The following PXT1 variants were observed in gnomAD, a reference collection of about 807,000 sequenced individuals.
PXT1 encodes the protein peroxisomal testis-specific protein 1.
PXT1 carries 11 observed loss-of-function variants against 11.0 expected under a neutral mutation model. That is an observed-to-expected ratio of 1.00 (90% CI 0.63 to 1.66). The LOEUF (loss-of-function observed/expected upper bound fraction) is 1.66, where lower values mean the gene tolerates loss of function less well. Ranked by LOEUF, PXT1 falls within the 40% of genes most tolerant of loss-of-function variation. The pLI, the probability that PXT1 is intolerant of heterozygous loss-of-function variation, is 0.00. For missense variants in PXT1, 141 were observed against 155.5 expected (o/e 0.91, Z 0.49); for synonymous variants, 43 against 51.4 (o/e 0.84, Z 0.70).
At chr6:36,398,065 T>C (rs995019703) in intron 4 of PXT1, among the ~76,000 whole-genome samples, 4 of 151,520 alleles carry the variant, frequency 2.6e-5, no homozygotes, top group African/African-American at 9.7e-5. Context: ...CAATTATAAA[T>C]GGACAAGGAT....
rs1422609493 is a variant in PXT1 at position 36,391,726 on chromosome 6, G to A, written c.*44C>T. The stretch of plus-strand genomic sequence containing the variant: ...CAGTGGGATTCATGTTTCTCAGAGG[G>A]TAAAAAGAAAACAGAACTTGACCAC... On this transcript the variant is annotated 3_prime_UTR_variant, in exon 5 of 5. Transcript: ENST00000454782. 8 of 1,283,634 alleles carry A rather than the reference G, an allele frequency of 6.2e-6. No homozygotes were observed. The highest frequency in any genetic ancestry group is 1.7e-5 in the Admixed American group (1 of 58,634). The allele number at this position is 1,283,634 out of a possible 1,614,324, so 79.5% of individuals were successfully genotyped here.
chr6:36,405,023 A>T (rs1223261205), intron 3 of PXT1, among the ~76,000 whole-genome samples: 1 of 152,160 alleles, frequency 6.6e-6, no homozygotes, highest in Non-Finnish European at 1.5e-5. Context: ...TTCCAGAAGA[A>T]GGCATTGTTA....
intron 1 of PXT1, among the ~76,000 whole-genome samples, chr6:36,441,125 A>G (rs537212727): frequency 2.0e-5 from 3 of 152,094 alleles, no homozygotes; most frequent in Non-Finnish European, 2.9e-5. Context: ...AAAAAAAAAA[A>G]AAAGAAAGAC....
rs1025790524 is a variant in PXT1 at position 36,439,660 on chromosome 6, A to C, written c.-129-774T>G. ...TATAAGGCTGAAAAAAAAAAAAAAA[A>C]AACAACTAAGCATTCTCAGTATTAG... On this transcript the variant is annotated intron_variant, in intron 1 of 4. Transcript: ENST00000454782. Among the ~76,000 whole-genome samples the C allele has an allele frequency of 6.7e-5, 10 of 149,792 alleles. 1 individual carries two copies. Among genetic ancestry groups the C allele is most frequent in the South Asian group, 2.1e-4 (1 of 4,694 alleles).
rs553788708 is a variant in PXT1, at chr6:36,396,221, G to C, written c.300+4233C>G. ...CAACAAGGGTGCCAATGATGGCAAT[G>C]GCTGCTGTCCTCATGCTGGCTGCAG... On this transcript the variant is annotated intron_variant, in intron 4 of 4. Coordinates refer to ENST00000454782, the MANE Select transcript of PXT1 (RefSeq NM_152990.4). Among the ~76,000 whole-genome samples the C allele has an allele frequency of 2.6e-5, 4 of 152,316 alleles. No individual in the cohort carries two copies. In the East Asian group the frequency reaches 7.7e-4, roughly 29 times the overall value.
At chr6:36,439,369 T>C (rs1377967882) in intron 1 of PXT1, among the ~76,000 whole-genome samples, 2 of 151,072 alleles carry the variant, frequency 1.3e-5, no homozygotes, top group Non-Finnish European at 3.0e-5. Context: ...CCCAGCACTT[T>C]GGGAGGCGGA....
intron 3 of PXT1, among the ~76,000 whole-genome samples, chr6:36,424,113 A>C (rs6912117): frequency 0.24 from 37,073 of 152,174 alleles, 4,724 homozygotes; most frequent in East Asian, 0.39. Context: ...CAGGAGGTAG[A>C]GTGTGAAAAC....
At chr6:36,395,224 A>G (rs566820713) in intron 4 of PXT1, among the ~76,000 whole-genome samples, 2 of 152,334 alleles carry the variant, frequency 1.3e-5, no homozygotes, top group African/African-American at 2.4e-5. Flanking sequence ...CAGCTCAACA[A>G]CAATCCATTT....
At chr6:36,417,993 G>A (rs1330146598) in intron 3 of PXT1, among the ~76,000 whole-genome samples, 1 of 151,516 alleles carries the variant, frequency 6.6e-6, no homozygotes, top group African/African-American at 2.4e-5. Context: ...TCAGGAGATC[G>A]AGACCATCCT....
chr6:36,394,257 A>C (rs1039813193), intron 4 of PXT1, among the ~76,000 whole-genome samples: 4 of 152,206 alleles, frequency 2.6e-5, no homozygotes, highest in Admixed American at 6.5e-5. Context: ...AATCTCTCTG[A>C]AACTCCATTG....
chr6:36,432,257 C>T (rs1045348180), intron 2 of PXT1, among the ~76,000 whole-genome samples: 27 of 151,788 alleles, frequency 1.8e-4, no homozygotes, highest in African/African-American at 5.3e-4. Flanking sequence ...AAAGAATGTC[C>T]GGGAGAGCTG....
chr6:36,396,036 A>G (rs926635574), intron 4 of PXT1, among the ~76,000 whole-genome samples: 11 of 152,204 alleles, frequency 7.2e-5, no homozygotes, highest in Non-Finnish European at 1.3e-4. Context: ...CTAAAGTACA[A>G]GTTTACAGGT....
intron 4 of PXT1, among the ~76,000 whole-genome samples, chr6:36,400,118 G>A (rs1733727351): frequency 6.6e-6 from 1 of 152,158 alleles, no homozygotes; most frequent in South Asian, 2.1e-4. Context: ...ACTTCAATGT[G>A]CACACAAATC....
chr6:36,416,694 T>A (rs1320841562), intron 3 of PXT1, among the ~76,000 whole-genome samples: 1 of 152,152 alleles, frequency 6.6e-6, no homozygotes, highest in Non-Finnish European at 1.5e-5. Context: ...ATACAATAAA[T>A]CCTGTATTAT....
intron 3 of PXT1, among the ~76,000 whole-genome samples, chr6:36,416,456 TG>T (rs1186940430): frequency 6.6e-6 from 1 of 152,182 alleles, no homozygotes; most frequent in Non-Finnish European, 1.5e-5. Flanking sequence ...TATTTGACCT[TG>T]ATGTGCATTG....
At chr6:36,401,153 A>T (rs1435042671) in intron 3 of PXT1, among the ~76,000 whole-genome samples, 1 of 151,844 alleles carries the variant, frequency 6.6e-6, no homozygotes, top group African/African-American at 2.4e-5. Context: ...AAATCAATAT[A>T]TCCAAAATAT....
intron 3 of PXT1, among the ~76,000 whole-genome samples, chr6:36,406,660 A>C (rs1000839325): frequency 2.0e-5 from 3 of 151,920 alleles, no homozygotes; most frequent in Non-Finnish European, 2.9e-5. Context: ...AAAATACAAA[A>C]ATCAGCTGGG....
chr6:36,431,119 A>C (rs972127186), intron 2 of PXT1, among the ~76,000 whole-genome samples: 1 of 152,124 alleles, frequency 6.6e-6, no homozygotes, highest in African/African-American at 2.4e-5. Context: ...CCTGGCCGTA[A>C]ATTGTCATTT....
intron 3 of PXT1, among the ~76,000 whole-genome samples, chr6:36,414,752 C>A (rs1247820701): frequency 1.3e-5 from 2 of 152,222 alleles, no homozygotes; most frequent in Non-Finnish European, 2.9e-5. Flanking sequence ...GGCCTCTCCA[C>A]ATTCTGGGCC....
Sources: allele counts gnomAD v4.1 joint callset (sites outside exome capture counted in the v4.1 genomes callset), GRCh38; gene constraint gnomAD v4.1.1; transcripts MANE v1.5; gene names NCBI Gene and HGNC (gene_info 2026-07-23, HGNC 2026-07-21).